ZHX2: variants seen among roughly 807,000 people sequenced by gnomAD.
ZHX2 encodes zinc fingers and homeoboxes protein 2.
In ZHX2, 6 loss-of-function variants were observed where a neutral mutation model predicts 21.9. The ratio of observed to expected loss-of-function variants is 0.27; its 90% CI spans 0.15 to 0.54. The LOEUF is 0.54. Among genes scored for constraint, ZHX2 ranks in the 20% least tolerant of loss-of-function variants. The pLI is 0.95. For missense variants in ZHX2, 908 were observed against 1,090.7 expected (o/e 0.83, Z 2.36); for synonymous variants, 434 against 437.1 (o/e 0.99, Z 0.09).
chr8:122,803,303 C>T (rs1817756046), intron 1 of ZHX2, among the ~76,000 whole-genome samples: 1 of 152,214 alleles, frequency 6.6e-6, no homozygotes, highest in Non-Finnish European at 1.5e-5. Flanking sequence ...GGCCCCGGCC[C>T]CGCCTCAGAG....
rs562467149 is a variant in ZHX2 at position 122,937,891 on chromosome 8, A to AT, written c.-219-13393dup. Among the ~76,000 whole-genome samples the AT allele has an allele frequency of 4.7e-3, 328 of 70,124 alleles. 1 individual carries two copies. Among genetic ancestry groups the AT allele is most frequent in the Non-Finnish European group, 6.7e-3 (221 of 32,908 alleles). 46.0% of individuals were successfully genotyped at this position (70,124 alleles called of 152,430 possible). On this transcript the variant is annotated intron_variant, in intron 2 of 3. Coordinates refer to ENST00000314393, the MANE Select transcript of ZHX2 (RefSeq NM_014943.5). The stretch of plus-strand genomic sequence containing the variant: ...GCCACCGCGCCCAGCCGGATCATCT[A>AT]TTTTTTTTATTCATGTATTATGTTT...
intron 2 of ZHX2, among the ~76,000 whole-genome samples, chr8:122,923,801 A>G (rs1027525181): frequency 1.3e-5 from 2 of 152,142 alleles, no homozygotes; most frequent in African/African-American, 4.8e-5. Flanking sequence ...TTGTATGCAA[A>G]CCAGAATTCT....
intron 1 of ZHX2, among the ~76,000 whole-genome samples, chr8:122,855,251 C>A (rs1019562378): frequency 6.6e-6 from 1 of 152,178 alleles, no homozygotes; most frequent in Non-Finnish European, 1.5e-5. Flanking sequence ...TTAATAGAGG[C>A]CAGCATAAAG....
At chr8:122,836,012 T>G (rs1818487397) in intron 1 of ZHX2, among the ~76,000 whole-genome samples, 2 of 151,254 alleles carry the variant, frequency 1.3e-5, no homozygotes, top group African/African-American at 4.9e-5. Flanking sequence ...TCCTTTGGAG[T>G]GGAAGACTGG....
intron 1 of ZHX2, among the ~76,000 whole-genome samples, chr8:122,792,744 G>A (rs1478514348): frequency 6.6e-6 from 1 of 152,158 alleles, no homozygotes; most frequent in Non-Finnish European, 1.5e-5. Flanking sequence ...CCTGGTCATT[G>A]GACTACCCAG....
chr8:122,824,018 A>G (rs1243253325), intron 1 of ZHX2, among the ~76,000 whole-genome samples: 4 of 152,200 alleles, frequency 2.6e-5, no homozygotes, highest in Admixed American at 6.5e-5. Context: ...CAGACATTCA[A>G]ACCCTCAGAA....
At chr8:122,852,053 G>A (rs1818914429) in intron 1 of ZHX2, among the ~76,000 whole-genome samples, 1 of 152,194 alleles carries the variant, frequency 6.6e-6, no homozygotes, top group Non-Finnish European at 1.5e-5. Context: ...CCTCCTGGAT[G>A]ATACGACTTG....
At chr8:122,848,805 C>G (rs1818814848) in intron 1 of ZHX2, among the ~76,000 whole-genome samples, 1 of 152,248 alleles carries the variant, frequency 6.6e-6, no homozygotes, top group Non-Finnish European at 1.5e-5. Flanking sequence ...CTGCCCCTGG[C>G]ATTCCTCCGA....
intron 1 of ZHX2, among the ~76,000 whole-genome samples, chr8:122,835,511 GA>G (rs923562442): frequency 5.9e-5 from 9 of 152,202 alleles, no homozygotes; most frequent in African/African-American, 2.2e-4. Flanking sequence ...GACGGTGTAG[GA>G]AAAGAAGTGG....
intron 2 of ZHX2, among the ~76,000 whole-genome samples, chr8:122,870,140 T>C (rs1055035656): frequency 6.6e-6 from 1 of 151,934 alleles, no homozygotes; most frequent in Non-Finnish European, 1.5e-5. Context: ...TTTGGAGGCT[T>C]TGGGGAGTCT....
At chr8:122,814,962 AC>A (rs1355279421) in intron 1 of ZHX2, among the ~76,000 whole-genome samples, 2 of 152,200 alleles carry the variant, frequency 1.3e-5, no homozygotes, top group Non-Finnish European at 2.9e-5. Context: ...ATTGTGCCCA[AC>A]ATAGGCACTG....
chr8:122,896,710 G>C (rs937252696), intron 2 of ZHX2, among the ~76,000 whole-genome samples: 1 of 152,170 alleles, frequency 6.6e-6, no homozygotes, highest in African/African-American at 2.4e-5. Flanking sequence ...CCACCTGTCT[G>C]GCTCTGAAGC....
chr8:122,923,930 A>G (rs1820794032), intron 2 of ZHX2, among the ~76,000 whole-genome samples: 1 of 152,208 alleles, frequency 6.6e-6, no homozygotes, highest in Non-Finnish European at 1.5e-5. Flanking sequence ...CAAATTTGCT[A>G]AAATATAAGG....
chr8:122,783,538 T>C (rs1817335091), intron 1 of ZHX2, among the ~76,000 whole-genome samples: 1 of 152,114 alleles, frequency 6.6e-6, no homozygotes, highest in Admixed American at 6.5e-5. Flanking sequence ...TGGCAGAAAT[T>C]AATGCCTGTA....
intron 2 of ZHX2, among the ~76,000 whole-genome samples, chr8:122,872,613 A>G (rs1819467307): frequency 6.6e-6 from 1 of 152,178 alleles, no homozygotes; most frequent in African/African-American, 2.4e-5. Flanking sequence ...CAGAGCTCAA[A>G]GTTTCTTGGC....
chr8:122,885,359 A>G (rs997954612), intron 2 of ZHX2, among the ~76,000 whole-genome samples: 1 of 152,238 alleles, frequency 6.6e-6, no homozygotes, highest in African/African-American at 2.4e-5. Context: ...GTCTGCATGC[A>G]TCAGCATTTG....
chr8:122,906,074 C>G (rs573182376), intron 2 of ZHX2, among the ~76,000 whole-genome samples: 5 of 152,314 alleles, frequency 3.3e-5, no homozygotes, highest in African/African-American at 1.2e-4. Flanking sequence ...AAGTACCTAT[C>G]TAAACCCAAT....
chr8:122,858,638 CTTTTTTT>C (rs34399149), intron 1 of ZHX2, among the ~76,000 whole-genome samples: 3 of 82,734 alleles, frequency 3.6e-5, no homozygotes, highest in African/African-American at 1.3e-4. Flanking sequence ...TTCTTTCTTT[CTTTTTTT>C]TTTTTTTTTT....
At chr8:122,810,617 G>C (rs1161481370) in intron 1 of ZHX2, 1 of 152,178 alleles carries the variant, frequency 6.6e-6, no homozygotes, top group Admixed American at 6.5e-5. Context: ...CCAGCAGTGA[G>C]GGGCAGGATG....
Sources: gnomAD v4.1 joint callset for allele counts (sites outside exome capture counted in the v4.1 genomes callset) on GRCh38, gnomAD v4.1.1 for gene constraint, MANE v1.5 for transcripts, NCBI Gene and HGNC (gene_info 2026-07-23, HGNC 2026-07-21) for gene names.